The following COL25A1 variants were observed in gnomAD, a reference collection of about 807,000 sequenced individuals.
The protein encoded by COL25A1 is collagen type XXV alpha 1 chain, also known as collagen alpha-1(XXV) chain.
A neutral mutation model predicts 128.4 loss-of-function variants in COL25A1; 103 were observed. The ratio of observed to expected loss-of-function variants is 0.80; its 90% CI spans 0.68 to 0.94. The LOEUF (loss-of-function observed/expected upper bound fraction) is 0.94. Ranked by LOEUF, COL25A1 falls within the 40% of genes least tolerant of loss-of-function variation. The probability of loss-of-function intolerance (pLI) is 0.00; values close to 1 mark genes in which losing one functional copy is unlikely to be tolerated. For synonymous variants in COL25A1, 279 were observed against 277.2 expected, an observed-to-expected ratio of 1.01 and a Z score of -0.06; for missense variants, 745 against 840.0, an observed-to-expected ratio of 0.89 and a Z score of 1.40.
rs1022306373 is a variant in COL25A1, at chr4:109,055,960, C to A, written c.368-5781G>T. Among the ~76,000 whole-genome samples, 6 of 152,062 alleles carry A rather than the reference C, an allele frequency of 3.9e-5. No homozygotes were observed. The East Asian group carries it at 1.2e-3, about 29-fold the overall frequency. On this transcript the variant is annotated intron_variant, in intron 3 of 37. Coordinates refer to ENST00000399132, the MANE Select transcript of COL25A1 (RefSeq NM_198721.4). ...ACACAGGGTTGTTTGTTTTAAATAT[C>A]TTTTATGTGTTTATTTTTGTTTCAA...
intron 18 of COL25A1, among the ~76,000 whole-genome samples, chr4:108,886,431 G>A (rs1161535368): frequency 6.9e-6 from 1 of 144,850 alleles, no homozygotes; most frequent in Non-Finnish European, 1.5e-5. Context: ...TTCTTAAAGT[G>A]CTATGAGATT....
intron 3 of COL25A1, among the ~76,000 whole-genome samples, chr4:109,299,187 G>C (rs1210082154): frequency 6.6e-6 from 1 of 152,118 alleles, no homozygotes; most frequent in Admixed American, 6.5e-5. Context: ...TGGACTCTAC[G>C]TGGTATGATC....
chr4:108,819,513 C>T (rs1731568134), intron 35 of COL25A1, among the ~76,000 whole-genome samples, 184 bp from the exon 36 acceptor site: 1 of 152,188 alleles, frequency 6.6e-6, no homozygotes, highest in South Asian at 2.1e-4. Context: ...AGGGGCTTGT[C>T]TGAAAACAGT....
chr4:108,975,076 C>T (rs984845305), intron 6 of COL25A1, among the ~76,000 whole-genome samples: 1 of 152,212 alleles, frequency 6.6e-6, no homozygotes, highest in Non-Finnish European at 1.5e-5. Context: ...TAATACTCCA[C>T]TGTATGACTA....
At chr4:109,280,888 G>A (rs991512735) in intron 3 of COL25A1, among the ~76,000 whole-genome samples, 9 of 151,720 alleles carry the variant, frequency 5.9e-5, no homozygotes, top group African/African-American at 1.9e-4. Context: ...CTTGTGATCC[G>A]CCCACCTCGA....
At chr4:109,054,809 C>A (rs1165164698) in intron 3 of COL25A1, among the ~76,000 whole-genome samples, 1 of 152,118 alleles carries the variant, frequency 6.6e-6, no homozygotes, top group African/African-American at 2.4e-5. Context: ...GATGGAGCAG[C>A]CCTCTTGATG....
intron 3 of COL25A1, among the ~76,000 whole-genome samples, chr4:109,099,010 A>T (rs577726856): frequency 3.3e-5 from 5 of 152,194 alleles, no homozygotes; most frequent in Non-Finnish European, 7.3e-5. Flanking sequence ...ACTTCACAGG[A>T]GGTTATCCAT....
At chr4:108,964,801 T>A (rs941239372) in intron 8 of COL25A1, among the ~76,000 whole-genome samples, 3 of 152,192 alleles carry the variant, frequency 2.0e-5, no homozygotes, top group Non-Finnish European at 4.4e-5. Flanking sequence ...AGAATTCTGA[T>A]TAGAAAATCC....
chr4:109,264,722 C>T (rs1781677451), intron 3 of COL25A1, among the ~76,000 whole-genome samples: 1 of 152,198 alleles, frequency 6.6e-6, no homozygotes, highest in Non-Finnish European at 1.5e-5. Context: ...ATCAGGCCCA[C>T]TGATCAAATT....
chr4:108,982,198 A>AAC (rs376800689), intron 6 of COL25A1, among the ~76,000 whole-genome samples: 15 of 152,270 alleles, frequency 9.9e-5, no homozygotes, highest in African/African-American at 3.1e-4. Flanking sequence ...TGTCTCAAAA[A>AAC]ACACACACAC....
chr4:108,881,192 T>G (rs1406385419), intron 19 of COL25A1, among the ~76,000 whole-genome samples: 2 of 152,216 alleles, frequency 1.3e-5, no homozygotes, highest in Non-Finnish European at 2.9e-5. Context: ...TTATTATGTA[T>G]GCCTAAGGTA....
chr4:108,963,049 T>A (rs1269593644), intron 8 of COL25A1, among the ~76,000 whole-genome samples: 1 of 152,196 alleles, frequency 6.6e-6, no homozygotes, highest in South Asian at 2.1e-4. Context: ...CTGTCTGGCA[T>A]TAAATGACTT....
intron 3 of COL25A1, among the ~76,000 whole-genome samples, chr4:109,264,000 C>T (rs948344219): frequency 6.6e-6 from 1 of 152,122 alleles, no homozygotes; most frequent in African/African-American, 2.4e-5. Flanking sequence ...ATGGAACAGA[C>T]AAACTGTATA....
intron 20 of COL25A1, among the ~76,000 whole-genome samples, chr4:108,866,486 C>T (rs1288892923): frequency 6.6e-6 from 1 of 152,206 alleles, no homozygotes; most frequent in African/African-American, 2.4e-5. Context: ...AGCCACCATG[C>T]CCAGGCCCCT....
intron 3 of COL25A1, among the ~76,000 whole-genome samples, chr4:109,164,763 TTTAAATA>T (rs1772910628): frequency 6.6e-6 from 1 of 152,206 alleles, no homozygotes; most frequent in Non-Finnish European, 1.5e-5. Flanking sequence ...TTTTTGTTCT[TTTAAATA>T]TTTTAAGCAT....
At chr4:108,816,126 A>G (rs76891127) in intron 37 of COL25A1, among the ~76,000 whole-genome samples, 3,170 of 152,312 alleles carry the variant, frequency 0.021, 38 homozygotes, top group Non-Finnish European at 0.027. Flanking sequence ...CATGAGACCC[A>G]TTTGACCCTG....
rs552496732 is a variant in COL25A1, at chr4:109,126,641, A to G, written c.368-76462T>C. Among the ~76,000 whole-genome samples the G allele has an allele frequency of 3.9e-5, 6 of 152,340 alleles. No homozygotes were observed. The East Asian group carries it at 1.2e-3, about 29-fold the overall frequency. On this transcript the variant is annotated intron_variant, in intron 3 of 37. Coordinates refer to ENST00000399132, the MANE Select transcript of COL25A1 (RefSeq NM_198721.4). The stretch of plus-strand genomic sequence containing the variant: ...AATGTCTATTGTATTTATTCCAAAT[A>G]TTAGATAACCTGATAATTTTCATTT...
rs77582759 is a variant in COL25A1, at chr4:109,204,599, G to A, written c.367+95984C>T. Among the ~76,000 whole-genome samples, 1,632 of 152,148 alleles carry A rather than the reference G, an allele frequency of 0.011. 59 individuals are homozygous for A. The South Asian group carries it at 0.14, about 13-fold the overall frequency. On this transcript the variant is annotated intron_variant, in intron 3 of 37. Transcript: ENST00000399132. ...TTAAATGACCAATTATGCCATTTAA[G>A]GAAATAGAAACCATAAGGAACTTTT... is the stretch of plus-strand genomic sequence containing the variant.
chr4:109,197,995 A>C (rs1057141837), intron 3 of COL25A1, among the ~76,000 whole-genome samples: 4 of 152,084 alleles, frequency 2.6e-5, no homozygotes, highest in Non-Finnish European at 5.9e-5. Context: ...ACATATATCA[A>C]ACAAGCTCTG....
Sources: gnomAD v4.1 joint callset for allele counts (sites outside exome capture counted in the v4.1 genomes callset) on GRCh38, gnomAD v4.1.1 for gene constraint, MANE v1.5 for transcripts, NCBI Gene and HGNC (gene_info 2026-07-23, HGNC 2026-07-21) for gene names.